The following SLC4A2 variants were observed in gnomAD, a reference collection of about 807,000 sequenced individuals.
The protein encoded by SLC4A2 is solute carrier family 4 member 2.
Under a neutral mutation model 115.0 loss-of-function variants are expected in SLC4A2, and 36 were observed. The ratio of observed to expected loss-of-function variants is 0.31; its 90% CI spans 0.24 to 0.41. The LOEUF (loss-of-function observed/expected upper bound fraction) is 0.41. Among genes scored for constraint, SLC4A2 ranks in the 10% least tolerant of loss-of-function variants. SLC4A2 has a pLI of 1.00. For missense variants in SLC4A2, 1,252 were observed against 1,705.6 expected, an observed-to-expected ratio of 0.73 and a Z score of 4.68; for synonymous variants, 708 against 708.3, an observed-to-expected ratio of 1.00 and a Z score of 0.01.
chr7:151,073,252 CTTTATTTTATTTTATTTTAT>C (rs3062437), intron 16 of SLC4A2, among the ~76,000 whole-genome samples: 1 of 146,302 alleles, frequency 6.8e-6, no homozygotes, highest in Non-Finnish European at 1.5e-5. Context: ...CCCAGTCCAT[CTTTATTTTATTTTATTTTAT>C]TTTATTTTAT....
intron 1 of SLC4A2, chr7:151,061,541 G>A (rs1188133700): frequency 1.7e-5 from 3 of 172,946 alleles, no homozygotes; most frequent in Admixed American, 5.6e-5. Context: ...CTGACCCTGC[G>A]AGGCTCCGTT....
rs1787906818 is a variant in SLC4A2 at position 151,060,465 on chromosome 7, AT to A, written c.-64+704del. Among the ~76,000 whole-genome samples, 1 of 152,152 alleles carries A rather than the reference AT, an allele frequency of 6.6e-6. No individual in the cohort carries two copies. The highest frequency in any genetic ancestry group is 1.5e-5 in the Non-Finnish European group (1 of 68,010). ...GCCCAAGTGGGGGTCCGAGGTGCTA[AT>A]CCCTTGGTCAAGGGGAGAGATACTA... On this transcript the variant is annotated intron_variant, in intron 1 of 22. Coordinates refer to ENST00000413384, the MANE Select transcript of SLC4A2 (RefSeq NM_003040.4). This position sits in a 1 kb window ranked among gnomAD's most constrained non-coding sequence, Gnocchi z 5.9.
At chr7:151,073,445 A>T (rs1269289955) in intron 16 of SLC4A2, among the ~76,000 whole-genome samples, 1 of 151,698 alleles carries the variant, frequency 6.6e-6, no homozygotes, top group African/African-American at 2.4e-5. Context: ...CACCACGCCC[A>T]GCTAGTTTTT....
intron 9 of SLC4A2, 43 bp downstream of exon 9, chr7:151,070,125 C>T (rs1173308299): frequency 3.7e-6 from 6 of 1,613,842 alleles, no homozygotes; most frequent in Admixed American, 1.7e-5. Context: ...TTCAGCCCAC[C>T]TGCCCTGGCC....
At chr7:151,063,145 G>A (rs546779140) in intron 2 of SLC4A2, 4 of 1,513,838 alleles carry the variant, frequency 2.6e-6, no homozygotes, top group Admixed American at 4.1e-5. Context: ...ATTCCCTGCC[G>A]GCTGTGCCGG....
chr7:151,067,633 T>C (rs1367727831), intron 7 of SLC4A2, among the ~76,000 whole-genome samples: 3 of 152,248 alleles, frequency 2.0e-5, no homozygotes, highest in African/African-American at 7.2e-5. Flanking sequence ...CTTTTCATCC[T>C]TCTGACAGTT....
chr7:151,074,114 T>C lies in SLC4A2; in HGVS notation c.2611T>C (p.Trp871Arg). 1 of 1,611,772 alleles carries C rather than the reference T, an allele frequency of 6.2e-7. No individual in the cohort carries two copies. The highest frequency in any genetic ancestry group is 8.5e-7 in the Non-Finnish European group (1 of 1,179,386). The change falls in exon 17 of 23, where the codon TGG becomes CGG. Residue 871 changes from tryptophan (W) to arginine (R), a missense_variant. Around this residue, in one of 14 missense-constraint regions of SLC4A2, gnomAD observed 55 missense variants for 48.6 expected, o/e 1.13. Transcript: ENST00000413384. ...GGTGGACGGCGGTGAGAACATGACA[T>C]GGGCCGGGGCAAGACCCACGCTGGG... ...SEVDGGENMT[W>R]AGARPTLGPG...
At position 151,075,763 on chromosome 7, in the gene SLC4A2, T is replaced by C; in HGVS notation, c.3459T>C (p.Thr1153=). ...CGCCCAAACACCACCCAGATGTCACTTACGTCAAGAAGGTGAGCCCCCCAG... is the reference window on the plus strand; with the variant it reads ...CGCCCAAACACCACCCAGATGTCACCTACGTCAAGAAGGTGAGCCCCCCAG... ...LMPPKHHPDV[T]YVKKVRTLRM... The change falls in exon 21 of 23, where the codon ACT becomes ACC. Residue 1153 remains threonine, a synonymous_variant. Transcript: ENST00000413384. 2 of 1,604,820 alleles carry C rather than the reference T, an allele frequency of 1.2e-6. No homozygotes were observed. Among genetic ancestry groups the C allele is most frequent in the Non-Finnish European group, 1.7e-6 (2 of 1,172,672 alleles).
intron 2 of SLC4A2, chr7:151,063,176 G>T (rs765979358): frequency 2.8e-6 from 4 of 1,405,102 alleles, no homozygotes; most frequent in African/African-American, 3.0e-5. Context: ...CTCCGCGCCC[G>T]CAGGATGACT....
In SLC4A2 at chr7:151,066,921, G is replaced by C. The variant is rs533465790; in HGVS notation, c.894G>C (p.Gln298His). The change falls in exon 7 of 23, where the codon CAG becomes CAC. Residue 298 changes from glutamine to histidine, a missense_variant. By Grantham distance (24) the Gln-to-His change is conservative. Around this residue, in one of 14 missense-constraint regions of SLC4A2, gnomAD observed 48 missense variants for 44.4 expected, o/e 1.08. Transcript: ENST00000413384. ...GGAAGAATGCCAAAGGTTCCACACA[G>C]AGTGGCCGAGAAGGGCGGGAGCCTG... The part of the protein sequence containing the change: ...LVRKNAKGST[Q>H]SGREGREPGP... 67 of 1,613,698 alleles carry C rather than the reference G, an allele frequency of 4.2e-5. No homozygotes were observed. Among genetic ancestry groups the C allele is most frequent in the South Asian group, 1.9e-4 (17 of 91,050 alleles).
intron 2 of SLC4A2, among the ~76,000 whole-genome samples, chr7:151,063,400 A>C (rs1797123711): frequency 6.6e-6 from 1 of 152,202 alleles, no homozygotes; most frequent in South Asian, 2.1e-4. Context: ...AGTTGTCCTC[A>C]GGCCAACTGG....
intron 8 of SLC4A2, among the ~76,000 whole-genome samples, chr7:151,069,140 C>CAAAAAAGAAAAAAAAAAAAA (rs1797338348): frequency 2.4e-5 from 1 of 40,950 alleles, no homozygotes; most frequent in Admixed American, 4.6e-4. Context: ...CTCTTATCAC[C>CAAAAAAGAAAAAAAAAAAAA]AAAAAAAAAA....
At chr7:151,070,701 T>C in intron 11 of SLC4A2, 26 bp from the exon 12 acceptor site, 1 of 1,610,890 alleles carries the variant, frequency 6.2e-7, no homozygotes, top group Non-Finnish European at 8.5e-7. Flanking sequence ...GCTCTGCTCT[T>C]GCCCACGATG....
At chr7:151,061,866 C>T (rs1797058074) in intron 1 of SLC4A2, 59 bp from the exon 2 acceptor site, 2 of 849,150 alleles carry the variant, frequency 2.4e-6, no homozygotes, top group South Asian at 1.5e-5. Context: ...GCAGCCTGCG[C>T]GTGGTGGCTC....
chr7:151,074,139 G>A lies in SLC4A2; in HGVS notation c.2636G>A (p.Gly879Glu), dbSNP rs371127410. ...TGGGCCGGGGCAAGACCCACGCTGG[G>A]GCCGGGCAACAGGAGCTTGGCTGGG... is the stretch of plus-strand genomic sequence containing the variant. Reference protein sequence around the residue: ...MTWAGARPTLGPGNRSLAGQS... With the variant: ...MTWAGARPTLEPGNRSLAGQS... Residue 879 changes from glycine (G) to glutamate (E), a missense_variant, in exon 17 of 23, where the codon GGG becomes GAG. By Grantham distance (98) the Gly-to-Glu change is moderately conservative. Transcript: ENST00000413384. 2.0e-5 allele frequency: 33 copies of A among 1,612,462 alleles called. No homozygotes were observed. In the East Asian group the frequency reaches 6.2e-4, roughly 30 times the overall value.
At chr7:151,067,759 TGTGCTC>T (rs957720796) in intron 7 of SLC4A2, 109 bp from the exon 8 acceptor site, 6 of 799,026 alleles carry the variant, frequency 7.5e-6, no homozygotes, top group African/African-American at 1.8e-5. Context: ...CACCACCCAC[TGTGCTC>T]GTGCTCTCCA....
Position 151,076,320 on chromosome 7 carries a change from G to C in SLC4A2, c.3679G>C (p.Glu1227Gln). 1 of 1,544,912 alleles carries C rather than the reference G, an allele frequency of 6.5e-7. No homozygotes were observed. Reference sequence around the variant, plus strand: ...TAACGAGGCAGAGCCGGTGTTTGATGAGCGGGAGGGTGTGGACGAGTACAA... The same window carrying C: ...TAACGAGGCAGAGCCGGTGTTTGATCAGCGGGAGGGTGTGGACGAGTACAA... ...DANEAEPVFDEREGVDEYNEM... is the reference protein window; with the variant it reads ...DANEAEPVFDQREGVDEYNEM... Residue 1227 changes from glutamate (E) to glutamine (Q), a missense_variant, in exon 23 of 23, where the codon GAG (glutamate) becomes CAG (glutamine). Coordinates refer to ENST00000413384, the MANE Select transcript of SLC4A2 (RefSeq NM_003040.4).
At chr7:151,058,312 C>A, upstream of SLC4A2, 1 of 204,774 alleles carries the variant, frequency 4.9e-6, no homozygotes, top group Non-Finnish European at 1.0e-5. Flanking sequence ...GTTTGGCGGC[C>A]TAGATCCCGG....
chr7:151,069,897 AC>A (rs748969977), intron 8 of SLC4A2, 49 bp from the exon 9 acceptor site: 1 of 1,610,726 alleles, frequency 6.2e-7, no homozygotes. Context: ...ATCTCCTGCC[AC>A]TGTTTTGTGA....
Sources: allele counts gnomAD v4.1 joint callset (sites outside exome capture counted in the v4.1 genomes callset), GRCh38; gene constraint gnomAD v4.1.1; regional missense constraint gnomAD v4.1.1; non-coding constraint Gnocchi (gnomAD v3.1); transcripts MANE v1.5; gene names NCBI Gene and HGNC (gene_info 2026-07-23, HGNC 2026-07-21).